Variants in ISY1 observed in about 807,000 individuals in gnomAD.
The protein encoded by ISY1 is pre-mRNA-splicing factor ISY1 homolog.
In ISY1, 12 loss-of-function variants were observed where a neutral mutation model predicts 54.4. The ratio of observed to expected loss-of-function variants is 0.22; its 90% CI spans 0.14 to 0.36. ISY1 has a LOEUF of 0.36. ISY1 is among the 10% of genes least tolerant of loss of function. ISY1 has a pLI of 1.00. For synonymous variants in ISY1, 96 were observed against 117.9 expected (o/e 0.81, Z 1.20); for missense variants, 282 against 342.2 (o/e 0.82, Z 1.39).
intron 1 of ISY1, among the ~76,000 whole-genome samples, chr3:129,160,620 T>G (rs1259852884): frequency 6.6e-6 from 1 of 152,108 alleles, no homozygotes; most frequent in East Asian, 1.9e-4. Context: ...TAGTCACAAC[T>G]GCTCTTAATC....
intron 5 of ISY1, among the ~76,000 whole-genome samples, chr3:129,148,596 ACT>A (rs1330489823): frequency 2.6e-4 from 39 of 152,280 alleles, no homozygotes; most frequent in Non-Finnish European, 5.9e-5. Context: ...AGACAGTCTC[ACT>A]CTGTTGCCCA....
intron 5 of ISY1, among the ~76,000 whole-genome samples, chr3:129,155,959 G>C (rs188154883): frequency 6.6e-6 from 1 of 152,040 alleles, no homozygotes; most frequent in African/African-American, 2.4e-5. Context: ...GACCTTAGGT[G>C]ATCCTCCCTC....
At position 129,146,713 on chromosome 3, in the gene ISY1, C is replaced by T. The variant is rs533707091; in HGVS notation, c.188-840G>A. 1.4e-4 allele frequency among the ~76,000 whole-genome samples: 22 copies of T among 152,186 alleles called. No individual in the cohort carries two copies. In the South Asian group the frequency reaches 3.3e-3, roughly 23 times the overall value. ...AACTCATCCAACTCTACATTAAAAA[C>T]GGGGGAATTTTATTACATGTAATTC... On this transcript the variant is annotated intron_variant, in intron 5 of 10. Coordinates refer to ENST00000393295, the MANE Select transcript of ISY1 (RefSeq NM_020701.4).
At chr3:129,137,639 G>A (rs1248556221) in intron 7 of ISY1, among the ~76,000 whole-genome samples, 5 of 151,964 alleles carry the variant, frequency 3.3e-5, no homozygotes, top group South Asian at 2.1e-4. Flanking sequence ...GAGACCGGCC[G>A]GGAGCAGTGG....
intron 5 of ISY1, among the ~76,000 whole-genome samples, chr3:129,146,969 G>T (rs1002067207): frequency 2.0e-5 from 3 of 151,788 alleles, no homozygotes; most frequent in Non-Finnish European, 4.4e-5. Flanking sequence ...TTAGGTGGGA[G>T]AATCGCTTGA....
At position 129,156,666 on chromosome 3, in the gene ISY1, C is replaced by G. The variant is rs1305566710; in HGVS notation, c.154G>C (p.Glu52Gln). 1 of 1,607,468 alleles carries G rather than the reference C, an allele frequency of 6.2e-7. No individual in the cohort carries two copies. Among genetic ancestry groups the G allele is most frequent in the Non-Finnish European group, 8.5e-7 (1 of 1,177,746 alleles). ...AEKWRRQIIG[E>Q]ISKKVAQIQN... ...ATCTGAGCCACTTTTTTAGAGATCTCTCCAATGATCTATTAAAAAAAAGTA... is the reference window on the plus strand; with the variant it reads ...ATCTGAGCCACTTTTTTAGAGATCTGTCCAATGATCTATTAAAAAAAAGTA... Residue 52 changes from glutamate (E) to glutamine (Q), a missense_variant, in exon 5 of 11, where the codon GAG becomes CAG. Coordinates refer to ENST00000393295, the MANE Select transcript of ISY1 (RefSeq NM_020701.4).
chr3:129,144,535 CA>C (rs1936716646), intron 6 of ISY1, among the ~76,000 whole-genome samples: 1 of 152,172 alleles, frequency 6.6e-6, no homozygotes, highest in Admixed American at 6.5e-5. Flanking sequence ...GGTCTCATCA[CA>C]AAAGTGTGAA....
chr3:129,155,484 G>A (rs533029560), intron 5 of ISY1, among the ~76,000 whole-genome samples: 109 of 152,034 alleles, frequency 7.2e-4, no homozygotes, highest in Admixed American at 1.7e-3. Context: ...GTGAGCCACC[G>A]CACCAGGCCA....
rs73862936 is a variant in ISY1, at chr3:129,144,216, T to C, written c.300+1545A>G. 3.5e-3 allele frequency: 1,336 copies of C among 378,364 alleles called. 18 individuals carry two copies. The highest frequency in any genetic ancestry group is 0.027 in the African/African-American group (1,261 of 47,038). The allele number at this position is 378,364 out of a possible 1,614,324, so 23.4% of individuals were successfully genotyped here. A position where few individuals can be genotyped will look rare whatever the true frequency, so the allele number is the denominator to read the frequency against. On this transcript the variant is annotated intron_variant, in intron 6 of 10. Transcript: ENST00000393295. ...TAAAATCGGAATGATACAGAGAAGA[T>C]TGGCATATAAAAATAAAAAACAGCA...
At chr3:129,131,131 G>A (rs534840185) in intron 9 of ISY1, among the ~76,000 whole-genome samples, 2 of 152,326 alleles carry the variant, frequency 1.3e-5, no homozygotes, top group Admixed American at 1.3e-4. Context: ...TGTTTGCTGG[G>A]CTCTGCCAGA....
chr3:129,145,288 T>A (rs1272558181), intron 6 of ISY1, among the ~76,000 whole-genome samples: 1 of 151,800 alleles, frequency 6.6e-6, no homozygotes, highest in African/African-American at 2.4e-5. Flanking sequence ...GCAGTGGCGA[T>A]CTTGGCTCAC....
At chr3:129,152,489 C>T (rs1169067752) in intron 5 of ISY1, among the ~76,000 whole-genome samples, 7 of 151,746 alleles carry the variant, frequency 4.6e-5, no homozygotes, top group African/African-American at 1.2e-4. Flanking sequence ...CTGCAAGCTC[C>T]GCCTCCCGGG....
rs1936174727 is a variant in ISY1 at position 129,129,304 on chromosome 3, G to C, written c.*777C>G. 6.6e-6 allele frequency: 1 copy of C among 152,122 alleles called. No individual in the cohort carries two copies. The highest frequency in any genetic ancestry group is 2.1e-4 in the South Asian group (1 of 4,818). 9.4% of individuals were successfully genotyped at this position (152,122 alleles called of 1,614,324 possible). A position where few individuals can be genotyped will look rare whatever the true frequency, so the allele number is the denominator to read the frequency against. Reference sequence around the variant, plus strand: ...GAGCGAGTGGAGCAGGTGGAGGGGGGCTAACGGAGAGCCCAGAGCAGCAAC... The same window carrying C: ...GAGCGAGTGGAGCAGGTGGAGGGGGCCTAACGGAGAGCCCAGAGCAGCAAC... On this transcript the variant is annotated 3_prime_UTR_variant, in exon 11 of 11. Coordinates refer to ENST00000393295, the MANE Select transcript of ISY1 (RefSeq NM_020701.4).
intron 6 of ISY1, among the ~76,000 whole-genome samples, chr3:129,140,980 G>A (rs1488232787): frequency 2.0e-5 from 3 of 151,222 alleles, no homozygotes; most frequent in South Asian, 2.1e-4. Flanking sequence ...CAAGGTAGGC[G>A]ATCACTTCAG....
intron 5 of ISY1, among the ~76,000 whole-genome samples, chr3:129,156,398 C>A (rs76061367): frequency 0.032 from 3,703 of 114,520 alleles, no homozygotes; most frequent in Middle Eastern, 0.042. Context: ...GACTCTGTCT[C>A]AAAAAAAAAA....
At chr3:129,139,418 A>C (rs376817088) in intron 7 of ISY1, among the ~76,000 whole-genome samples, 1 of 152,190 alleles carries the variant, frequency 6.6e-6, no homozygotes, top group Non-Finnish European at 1.5e-5. Context: ...AGCCAACTAG[A>C]AGGAGATATA....
intron 6 of ISY1, among the ~76,000 whole-genome samples, chr3:129,141,747 C>T (rs1207095932): frequency 4.0e-5 from 6 of 150,914 alleles, no homozygotes; most frequent in Non-Finnish European, 5.9e-5. Context: ...GAGCAAGACT[C>T]CGTCTCAAAA....
At chr3:129,142,627 T>G (rs182620566) in intron 6 of ISY1, among the ~76,000 whole-genome samples, 288 of 152,354 alleles carry the variant, frequency 1.9e-3, no homozygotes, top group African/African-American at 6.6e-3. Flanking sequence ...TCATACAATT[T>G]GGCTGAGCAC....
intron 5 of ISY1, among the ~76,000 whole-genome samples, chr3:129,154,242 CAAAAAAA>C (rs777277943): frequency 1.3e-4 from 6 of 47,804 alleles, no homozygotes; most frequent in African/African-American, 4.4e-4. Flanking sequence ...GACTCTGTCT[CAAAAAAA>C]AAAAAAAAAA....
Sources: allele counts gnomAD v4.1 joint callset (sites outside exome capture counted in the v4.1 genomes callset), GRCh38; gene constraint gnomAD v4.1.1; transcripts MANE v1.5; gene names NCBI Gene and HGNC (gene_info 2026-07-23, HGNC 2026-07-21).